Variants in ENPP2 observed in about 807,000 individuals in gnomAD.
ENPP2 encodes autotaxin.
A neutral mutation model predicts 120.2 loss-of-function variants in ENPP2; 51 were observed. The observed-to-expected ratio is 0.42, with a 90% confidence interval of 0.34 to 0.54. The LOEUF (loss-of-function observed/expected upper bound fraction) is 0.54, where lower values mean the gene tolerates loss of function less well. ENPP2 is among the 20% of genes least tolerant of loss of function. The pLI is 0.04. For missense variants in ENPP2, 920 were observed against 1,066.5 expected, an observed-to-expected ratio of 0.86 and a Z score of 1.91; for synonymous variants, 365 against 366.4, an observed-to-expected ratio of 1.00 and a Z score of 0.04.
At chr8:119,564,743 G>C in intron 23 of ENPP2, 80 bp downstream of exon 23, 1 of 1,255,902 alleles carries the variant, frequency 8.0e-7, no homozygotes, top group Non-Finnish European at 1.1e-6. Context: ...CTCTTCTCTA[G>C]TATATGAATA....
intron 1 of ENPP2, among the ~76,000 whole-genome samples, chr8:119,664,099 G>A (rs1428579556): frequency 6.6e-6 from 1 of 152,130 alleles, no homozygotes; most frequent in Middle Eastern, 3.2e-3. Context: ...GGTGCCCTCA[G>A]GCTTCACATA....
chr8:119,671,132 C>CAAAAAAA (rs371191607), intron 1 of ENPP2, among the ~76,000 whole-genome samples: 1 of 115,222 alleles, frequency 8.7e-6, no homozygotes, highest in Non-Finnish European at 1.7e-5. Context: ...ACTAAAAATA[C>CAAAAAAA]AAAAAAAAAA....
chr8:119,569,642 C>T (rs1158060445), intron 20 of ENPP2, among the ~76,000 whole-genome samples: 2 of 151,612 alleles, frequency 1.3e-5, no homozygotes, highest in Admixed American at 6.6e-5. Context: ...AAGCAGAAAT[C>T]CCACTGTTGA....
chr8:119,659,922 T>C (rs372824322), intron 1 of ENPP2, among the ~76,000 whole-genome samples: 3 of 152,162 alleles, frequency 2.0e-5, no homozygotes, highest in African/African-American at 4.8e-5. Context: ...GTAACAATAA[T>C]AAGAGGTTCA....
At chr8:119,667,704 CT>C (rs1192280421) in intron 1 of ENPP2, among the ~76,000 whole-genome samples, 3 of 152,220 alleles carry the variant, frequency 2.0e-5, no homozygotes, top group African/African-American at 7.2e-5. Flanking sequence ...TAAGTGGTCT[CT>C]GTCTTACCAG....
At chr8:119,644,569 G>C (rs1223202871) in intron 1 of ENPP2, among the ~76,000 whole-genome samples, 1 of 124,416 alleles carries the variant, frequency 8.0e-6, no homozygotes, top group African/African-American at 2.8e-5. Flanking sequence ...ATTTTCTGCT[G>C]TGACTGGAGA....
chr8:119,565,880 G>GCA lies in ENPP2; in HGVS notation c.2132-927_2132-926dup, dbSNP rs138379605. The stretch of plus-strand genomic sequence containing the variant: ...CTGTATCTTTCTCTTGCACGCACAT[G>GCA]CACACACACACACACACCACCCATT... On this transcript the variant is annotated intron_variant, in intron 22 of 24. Transcript: ENST00000075322. Among the ~76,000 whole-genome samples, 1,483 of 150,158 alleles carry GCA rather than the reference G, an allele frequency of 9.9e-3. 21 individuals carry two copies. Among genetic ancestry groups the GCA allele is most frequent in the South Asian group, 0.025 (117 of 4,744 alleles).
chr8:119,613,688 T>A (rs1156320761), intron 8 of ENPP2, among the ~76,000 whole-genome samples: 1 of 152,178 alleles, frequency 6.6e-6, no homozygotes, highest in African/African-American at 2.4e-5. Context: ...ATAGTACTTT[T>A]AGTTGCTTAT....
intron 11 of ENPP2, among the ~76,000 whole-genome samples, chr8:119,594,321 T>C (rs926292558): frequency 6.6e-6 from 1 of 152,176 alleles, no homozygotes; most frequent in Non-Finnish European, 1.5e-5. Context: ...TAAATTAGAA[T>C]ATCATTAATA....
chr8:119,604,590 A>G (rs80015887), intron 9 of ENPP2, among the ~76,000 whole-genome samples: 4 of 32,746 alleles, frequency 1.2e-4, no homozygotes, highest in Non-Finnish European at 2.1e-4. Flanking sequence ...AAATGGTCAA[A>G]AAAAAAAAAA....
intron 1 of ENPP2, among the ~76,000 whole-genome samples, chr8:119,653,283 A>G (rs751079443): frequency 1.3e-5 from 2 of 152,238 alleles, no homozygotes; most frequent in Non-Finnish European, 2.9e-5. Context: ...AGCACCTAGT[A>G]TACGTCAAGC....
At chr8:119,581,763 C>CTTT (rs35114182) in intron 18 of ENPP2, among the ~76,000 whole-genome samples, 2 of 141,126 alleles carry the variant, frequency 1.4e-5, no homozygotes, top group Admixed American at 7.2e-5. Flanking sequence ...TTTTCATTTC[C>CTTT]TTTTTTTTTT....
chr8:119,672,880 G>A (rs1818291868), intron 1 of ENPP2, among the ~76,000 whole-genome samples: 1 of 152,158 alleles, frequency 6.6e-6, no homozygotes, highest in Non-Finnish European at 1.5e-5. Context: ...CAAGAAGCCG[G>A]GCCCGTCTCG....
upstream of ENPP2, among the ~76,000 whole-genome samples, chr8:119,641,463 G>T (rs983365196): frequency 6.6e-6 from 1 of 152,194 alleles, no homozygotes; most frequent in Non-Finnish European, 1.5e-5. Flanking sequence ...TTTGTAATAA[G>T]GACACATGTG....
At chr8:119,604,434 C>T (rs1444718190) in intron 9 of ENPP2, among the ~76,000 whole-genome samples, 1 of 152,102 alleles carries the variant, frequency 6.6e-6, no homozygotes, top group Admixed American at 6.5e-5. Flanking sequence ...GGCCCTTAGC[C>T]ATTAGCATTT....
intron 19 of ENPP2, among the ~76,000 whole-genome samples, chr8:119,573,596 T>C (rs1812123223): frequency 6.6e-6 from 1 of 151,884 alleles, no homozygotes; most frequent in Non-Finnish European, 1.5e-5. Flanking sequence ...GCAGATCACT[T>C]GAGGTCAGGA....
intron 19 of ENPP2, among the ~76,000 whole-genome samples, chr8:119,573,846 C>T (rs148285989): frequency 4.9e-4 from 74 of 152,260 alleles, no homozygotes; most frequent in African/African-American, 1.7e-3. Flanking sequence ...ATTTGAGTTC[C>T]ATAGCTTCCA....
intron 17 of ENPP2, 115 bp downstream of exon 17, chr8:119,583,602 G>A: frequency 1.6e-6 from 1 of 625,556 alleles, no homozygotes; most frequent in East Asian, 2.7e-5. Context: ...CCTTTTGTGG[G>A]GAAGAGGAGG....
At chr8:119,631,056 G>A (rs1406027244) in intron 2 of ENPP2, among the ~76,000 whole-genome samples, 1 of 151,448 alleles carries the variant, frequency 6.6e-6, no homozygotes, top group Non-Finnish European at 1.5e-5. Flanking sequence ...CACTATGCCC[G>A]GCTAATTTTT....
Sources: allele counts gnomAD v4.1 joint callset (sites outside exome capture counted in the v4.1 genomes callset), GRCh38; gene constraint gnomAD v4.1.1; transcripts MANE v1.5; gene names NCBI Gene and HGNC (gene_info 2026-07-23, HGNC 2026-07-21).